Variants in CD58 observed in about 807,000 individuals in gnomAD.
CD58 encodes CD58 molecule, also known as lymphocyte function-associated antigen 3.
CD58 carries 14 observed loss-of-function variants against 27.6 expected under a neutral mutation model. The observed-to-expected ratio is 0.51, with a 90% confidence interval of 0.34 to 0.79. The LOEUF (loss-of-function observed/expected upper bound fraction) is 0.79, where lower values mean the gene tolerates loss of function less well. Ranked by LOEUF, CD58 falls within the 30% of genes least tolerant of loss-of-function variation. The pLI is 0.02. For synonymous variants in CD58, 117 were observed against 103.8 expected (o/e 1.13, Z -0.77); for missense variants, 268 against 301.7 (o/e 0.89, Z 0.83).
intron 3 of CD58, among the ~76,000 whole-genome samples, chr1:116,526,602 T>C (rs959463061): frequency 2.0e-5 from 3 of 152,240 alleles, no homozygotes; most frequent in African/African-American, 7.2e-5. Flanking sequence ...AGCTTTATAG[T>C]AAGTCTTGAA....
rs1201362264 is a variant in CD58 at position 116,538,353 on chromosome 1, C to T, written c.365-2125G>A. 1.3e-5 allele frequency among the ~76,000 whole-genome samples: 2 copies of T among 152,122 alleles called. No individual in the cohort carries two copies. Among genetic ancestry groups the T allele is most frequent in the African/African-American group, 2.4e-5 (1 of 41,406 alleles). On this transcript the variant is annotated intron_variant, in intron 2 of 5. Transcript: ENST00000369489. The surrounding 1 kb of genome is among the most constrained non-coding windows in gnomAD (Gnocchi z 4.7). ...TCTGGTCCCTTTTGCCCACCCCACC[C>T]CATAGCAGCCCTCAGGGGACTTCCA...
intron 1 of CD58, among the ~76,000 whole-genome samples, chr1:116,556,039 T>C (rs1281356994): frequency 1.3e-5 from 2 of 152,178 alleles, no homozygotes; most frequent in Admixed American, 6.5e-5. Context: ...GTGGATCACT[T>C]GAGGTCAGGA....
chr1:116,534,095 G>C lies in CD58; in HGVS notation c.628+1870C>G. ...TCTGAAAAACTGTTATCTGCCATCTGAATGTTTTTATCCCCTTGTCTGGTA... is the reference window on the plus strand; with the variant it reads ...TCTGAAAAACTGTTATCTGCCATCTCAATGTTTTTATCCCCTTGTCTGGTA... On this transcript the variant is annotated intron_variant, in intron 3 of 5. Transcript: ENST00000369489. The surrounding 1 kb of genome is among the most constrained non-coding windows in gnomAD (Gnocchi z 5.3). 1.3e-6 allele frequency: 1 copy of C among 796,112 alleles called. No individual in the cohort carries two copies. The highest frequency in any genetic ancestry group is 2.2e-6 in the Non-Finnish European group (1 of 450,110). The allele number at this position is 796,112 out of a possible 1,614,324, so 49.3% of individuals were successfully genotyped here.
In CD58 at chr1:116,546,482, TG is replaced by T; in HGVS notation, c.71-1879del. 6.6e-6 allele frequency among the ~76,000 whole-genome samples: 1 copy of T among 152,284 alleles called. No individual in the cohort carries two copies. Among genetic ancestry groups the T allele is most frequent in the South Asian group, 2.1e-4 (1 of 4,818 alleles). ...TATTTCCTCCACTCAACAGAGTATG[TG>T]GGAAGGCACAAGAAAAAGTACAGAA... On this transcript the variant is annotated intron_variant, in intron 1 of 5. Transcript: ENST00000369489. This position sits in a 1 kb window ranked among gnomAD's most constrained non-coding sequence, Gnocchi z 4.1.
chr1:116,533,645 C>T, intron 3 of CD58: 1 of 694,598 alleles, frequency 1.4e-6, no homozygotes, highest in Non-Finnish European at 2.7e-6. Context: ...TCAGCTGTTG[C>T]TGCTGCTTTT....
In CD58 at chr1:116,570,625, G is replaced by A. The variant is rs554328614; in HGVS notation, c.70+278C>T. ...CACTGGAGCTCGGGAGGGGGCCGGC[G>A]GGGGGGCGCAGGCCCCGCAGGAGAG... is the stretch of plus-strand genomic sequence containing the variant. On this transcript the variant is annotated intron_variant, in intron 1 of 5. Transcript: ENST00000369489. This position sits in a 1 kb window ranked among gnomAD's most constrained non-coding sequence, Gnocchi z 6.4. Among the ~76,000 whole-genome samples the A allele has an allele frequency of 1.3e-5, 2 of 151,240 alleles. No homozygotes were observed. Among genetic ancestry groups the A allele is most frequent in the South Asian group, 2.1e-4 (1 of 4,818 alleles).
At chr1:116,553,397 A>C (rs1161032699) in intron 1 of CD58, among the ~76,000 whole-genome samples, 1 of 152,138 alleles carries the variant, frequency 6.6e-6, no homozygotes, top group Non-Finnish European at 1.5e-5. Context: ...GCAATTTCAG[A>C]CTGGTCAAGA....
At chr1:116,542,363 A>G (rs1658018564) in intron 2 of CD58, among the ~76,000 whole-genome samples, 1 of 152,250 alleles carries the variant, frequency 6.6e-6, no homozygotes, top group African/African-American at 2.4e-5. Flanking sequence ...GTGATCAGCT[A>G]TGTCAAAAGC....
intron 3 of CD58, among the ~76,000 whole-genome samples, chr1:116,535,491 C>T (rs894978260): frequency 6.6e-6 from 1 of 152,194 alleles, no homozygotes; most frequent in African/African-American, 2.4e-5. Context: ...TGGTGCTCAA[C>T]ACAGAAAGTG....
Position 116,527,727 on chromosome 1 carries a change from A to G in CD58, c.629-5744T>C, listed in dbSNP as rs1393289116. On this transcript the variant is annotated intron_variant, in intron 3 of 5. Transcript: ENST00000369489. The surrounding 1 kb of genome is among the most constrained non-coding windows in gnomAD (Gnocchi z 4.4). ...AGTATGCCCTCTGCTTCTATCTTCT[A>G]AAAGAGATTATAGAGAATTAGTATT... Among the ~76,000 whole-genome samples, 1 of 152,222 alleles carries G rather than the reference A, an allele frequency of 6.6e-6. No individual in the cohort carries two copies. Among genetic ancestry groups the G allele is most frequent in the Non-Finnish European group, 1.5e-5 (1 of 68,036 alleles).
At chr1:116,553,197 T>A (rs1295444536) in intron 1 of CD58, among the ~76,000 whole-genome samples, 1 of 152,156 alleles carries the variant, frequency 6.6e-6, no homozygotes, top group Non-Finnish European at 1.5e-5. Context: ...AGGCTCCTTA[T>A]ATGTTATATA....
intron 1 of CD58, among the ~76,000 whole-genome samples, chr1:116,566,722 C>T (rs191805296): frequency 5.3e-5 from 8 of 151,972 alleles, no homozygotes; most frequent in African/African-American, 1.9e-4. Context: ...ACAGGAATGC[C>T]ATATTTAAAA....
rs2101228280 is a variant in CD58 at position 116,563,625 on chromosome 1, C to T, written c.70+7278G>A. 6.6e-6 allele frequency among the ~76,000 whole-genome samples: 1 copy of T among 152,354 alleles called. No homozygotes were observed. The highest frequency in any genetic ancestry group is 1.9e-4 in the East Asian group (1 of 5,182). ...CTGTGCATCCACAGGCCCAACACCA[C>T]ATGTAAGCCACCAAGGCTTACCCTC... On this transcript the variant is annotated intron_variant, in intron 1 of 5. Transcript: ENST00000369489. This position sits in a 1 kb window ranked among gnomAD's most constrained non-coding sequence, Gnocchi z 4.1.
chr1:116,551,599 C>G (rs1658394793), intron 1 of CD58, among the ~76,000 whole-genome samples: 1 of 152,178 alleles, frequency 6.6e-6, no homozygotes, highest in Non-Finnish European at 1.5e-5. Flanking sequence ...CGCTGTTTCA[C>G]TTTCTTATTT....
At chr1:116,535,293 G>T (rs1399592725) in intron 3 of CD58, among the ~76,000 whole-genome samples, 2 of 152,096 alleles carry the variant, frequency 1.3e-5, no homozygotes, top group Non-Finnish European at 2.9e-5. Flanking sequence ...AAAACCATGG[G>T]CTCTAGAGCC....
At position 116,514,675 on chromosome 1, in the gene CD58, ATTTC is replaced by A; in HGVS notation, c.*134_*137del. 1.7e-6 allele frequency: 1 copy of A among 591,446 alleles called. No homozygotes were observed. Among genetic ancestry groups the A allele is most frequent in the Non-Finnish European group, 3.0e-6 (1 of 329,990 alleles). 36.6% of individuals were successfully genotyped at this position (591,446 alleles called of 1,614,324 possible). On this transcript the variant is annotated 3_prime_UTR_variant, in exon 6 of 6. Coordinates refer to ENST00000369489, the MANE Select transcript of CD58 (RefSeq NM_001779.3). ...TAATGCTTGTTCTTTGTTAGTGGGT[ATTTC>A]TTCTTAAAGCAGCTGCTTCAAGTTA...
rs1657203535 is a variant in CD58 at position 116,519,601 on chromosome 1, T to C, written c.707-334A>G. 6.6e-6 allele frequency among the ~76,000 whole-genome samples: 1 copy of C among 152,162 alleles called. No homozygotes were observed. The highest frequency in any genetic ancestry group is 2.4e-5 in the African/African-American group (1 of 41,456). On this transcript the variant is annotated intron_variant, in intron 4 of 5. Transcript: ENST00000369489. This position sits in a 1 kb window ranked among gnomAD's most constrained non-coding sequence, Gnocchi z 4.7. ...CAATAGAAATATAATGCAAGCCACA[T>C]AAGTAATTTAAAATTTTTGGTATCC... is the stretch of plus-strand genomic sequence containing the variant.
intron 1 of CD58, among the ~76,000 whole-genome samples, chr1:116,545,446 G>C (rs1014124782): frequency 5.9e-5 from 9 of 152,204 alleles, no homozygotes; most frequent in Non-Finnish European, 1.3e-4. Context: ...CCAGAGCAGG[G>C]TGTTTGTAGT....
intron 1 of CD58, among the ~76,000 whole-genome samples, chr1:116,567,846 G>A (rs752933963): frequency 1.3e-5 from 2 of 152,030 alleles, no homozygotes; most frequent in African/African-American, 2.4e-5. Flanking sequence ...AAATGTCAAA[G>A]TTAACATCTC....
Sources: allele counts gnomAD v4.1 joint callset (sites outside exome capture counted in the v4.1 genomes callset), GRCh38; gene constraint gnomAD v4.1.1; non-coding constraint Gnocchi (gnomAD v3.1); transcripts MANE v1.5; gene names NCBI Gene and HGNC (gene_info 2026-07-23, HGNC 2026-07-21).